The following CA5A variants were observed in gnomAD, a reference collection of about 807,000 sequenced individuals.
The protein encoded by CA5A is carbonic anhydrase 5A, mitochondrial.
CA5A carries 28 observed loss-of-function variants against 37.1 expected under a neutral mutation model. The observed-to-expected ratio is 0.75, with a 90% CI of 0.56 to 1.03. The LOEUF (loss-of-function observed/expected upper bound fraction) is 1.03. Among genes scored for constraint, CA5A ranks in the 50% least tolerant of loss-of-function variants. CA5A has a pLI of 0.00. For missense variants in CA5A, 444 were observed against 399.9 expected (o/e 1.11, Z -0.94); for synonymous variants, 171 against 158.4 (o/e 1.08, Z -0.60).
intron 5 of CA5A, chr16:87,893,142 C>CT (rs201442456): frequency 6.1e-3 from 2,920 of 477,234 alleles, no homozygotes; most frequent in South Asian, 0.013. Flanking sequence ...TTCTTTCTTT[C>CT]TTTCTTTTTT....
chr16:87,905,957 G>A (rs1307999129), intron 2 of CA5A, among the ~76,000 whole-genome samples: 1 of 152,348 alleles, frequency 6.6e-6, no homozygotes, highest in East Asian at 1.9e-4. Context: ...AGTCATGGCT[G>A]CCATTCCCAC....
chr16:87,904,739 G>T, intron 3 of CA5A, 47 bp downstream of exon 3: 1 of 1,156,508 alleles, frequency 8.6e-7, no homozygotes, highest in Non-Finnish European at 1.3e-6. Context: ...TAGAGCCGGA[G>T]ACATGGAAAG....
intron 5 of CA5A, among the ~76,000 whole-genome samples, chr16:87,901,066 C>T (rs1425880516): frequency 1.3e-5 from 2 of 152,166 alleles, no homozygotes; most frequent in East Asian, 1.9e-4. Context: ...CCCGTCTCTA[C>T]TAAAAATACA....
intron 5 of CA5A, among the ~76,000 whole-genome samples, 181 bp downstream of exon 5, chr16:87,901,731 G>T (rs914715263): frequency 6.6e-6 from 1 of 151,998 alleles, no homozygotes; most frequent in Non-Finnish European, 1.5e-5. Context: ...GGGATTGCAG[G>T]CATGTGCCAC....
At chr16:87,924,023 C>G in intron 2 of CA5A, 1 of 985,426 alleles carries the variant, frequency 1.0e-6, no homozygotes, top group Non-Finnish European at 1.2e-6. Flanking sequence ...GGCATTTGAA[C>G]TTGGAACAGA....
At chr16:87,929,609 A>G (rs910168853) in intron 1 of CA5A, among the ~76,000 whole-genome samples, 4 of 152,158 alleles carry the variant, frequency 2.6e-5, no homozygotes, top group Admixed American at 2.6e-4. Flanking sequence ...GCAGTTGCTC[A>G]CGCCTATAAT....
intron 3 of CA5A, among the ~76,000 whole-genome samples, chr16:87,903,223 G>A (rs2055906689): frequency 6.6e-6 from 1 of 152,176 alleles, no homozygotes; most frequent in South Asian, 2.1e-4. Context: ...ACGAGGTCAG[G>A]AGTTCAAGAC....
In CA5A at chr16:87,908,870, C is replaced by A. The variant is rs570212398; in HGVS notation, c.341-3966G>T. On this transcript the variant is annotated intron_variant, in intron 2 of 6. Transcript: ENST00000649794. The stretch of plus-strand genomic sequence containing the variant: ...TCACTCTGTCGCCCAGGCTGGAATG[C>A]GGTGGCGTGATCTCAGCTCACTGCA... Among the ~76,000 whole-genome samples the A allele has an allele frequency of 2.6e-5, 4 of 152,182 alleles. No homozygotes were observed. In the East Asian group the frequency reaches 7.7e-4, roughly 29 times the overall value.
chr16:87,888,698 G>C (rs1318563492), intron 6 of CA5A, among the ~76,000 whole-genome samples: 1 of 152,164 alleles, frequency 6.6e-6, no homozygotes, highest in Admixed American at 6.6e-5. Flanking sequence ...TGGTAAGCCA[G>C]AGCCACCCAA....
intron 1 of CA5A, among the ~76,000 whole-genome samples, chr16:87,927,995 T>G (rs778471508): frequency 1.3e-5 from 2 of 152,164 alleles, no homozygotes; most frequent in African/African-American, 2.4e-5. Context: ...ATCTTTTATT[T>G]TTATTTTTCC....
chr16:87,903,467 T>G (rs138030226), intron 3 of CA5A, among the ~76,000 whole-genome samples: 47 of 152,260 alleles, frequency 3.1e-4, no homozygotes, highest in African/African-American at 1.0e-3. Context: ...AAATAAAATA[T>G]CTGTTCATCA....
At chr16:87,887,970 T>C, downstream of CA5A, 5 of 1,131,292 alleles carry the variant, frequency 4.4e-6, no homozygotes, top group Non-Finnish European at 6.1e-6. Flanking sequence ...TACTTACACA[T>C]CTTTCTTTCA....
chr16:87,925,983 G>A (rs1456450942), intron 2 of CA5A, among the ~76,000 whole-genome samples: 1 of 152,222 alleles, frequency 6.6e-6, no homozygotes, highest in Non-Finnish European at 1.5e-5. Context: ...AGCACTTTGG[G>A]AGGCCAAGGT....
chr16:87,902,019 G>T (rs773645029), intron 4 of CA5A, 45 bp from the exon 5 acceptor site: 155 of 1,509,702 alleles, frequency 1.0e-4, no homozygotes, highest in South Asian at 1.5e-4. Context: ...GGCAGTGGAT[G>T]GGGGGGGAAG....
In CA5A at chr16:87,909,393, C is replaced by T. The variant is rs556552586; in HGVS notation, c.341-4489G>A. ...AAAACCCAAAAAGGCTACTGGGTCT[C>T]TCTGGCTCTATGATACGCAAATGAG... On this transcript the variant is annotated intron_variant, in intron 2 of 6. Transcript: ENST00000649794. Among the ~76,000 whole-genome samples, 47 of 152,334 alleles carry T rather than the reference C, an allele frequency of 3.1e-4. No homozygotes were observed. The South Asian group carries it at 8.9e-3, about 29-fold the overall frequency.
chr16:87,921,879 T>TTA (rs895927068), intron 2 of CA5A, among the ~76,000 whole-genome samples: 2 of 128,022 alleles, frequency 1.6e-5, no homozygotes, highest in African/African-American at 1.0e-4. Flanking sequence ...ATTATTATTA[T>TTA]TTTTGAGAGA....
intron 5 of CA5A, among the ~76,000 whole-genome samples, chr16:87,899,470 T>G (rs2055846799): frequency 6.6e-6 from 1 of 150,826 alleles, no homozygotes; most frequent in Non-Finnish European, 1.5e-5. Context: ...GCCTGGCTAA[T>G]TTTTGTATTT....
chr16:87,901,000 C>A (rs1199353640), intron 5 of CA5A, among the ~76,000 whole-genome samples: 3 of 152,218 alleles, frequency 2.0e-5, no homozygotes, highest in Non-Finnish European at 4.4e-5. Flanking sequence ...CCAAGGCGGG[C>A]GGATCACCTG....
chr16:87,926,083 C>T (rs898349254), intron 2 of CA5A, among the ~76,000 whole-genome samples: 1 of 152,284 alleles, frequency 6.6e-6, no homozygotes, highest in African/African-American at 2.4e-5. Context: ...ATTAGCTGGG[C>T]ATGGTGGCAG....
Sources: gnomAD v4.1 joint callset for allele counts (sites outside exome capture counted in the v4.1 genomes callset) on GRCh38, gnomAD v4.1.1 for gene constraint, MANE v1.5 for transcripts, NCBI Gene and HGNC (gene_info 2026-07-23, HGNC 2026-07-21) for gene names.